Variants in CPAMD8 observed in about 807,000 individuals in gnomAD.
The protein encoded by CPAMD8 is C3 and PZP like alpha-2-macroglobulin domain containing 8, also known as C3 and PZP-like alpha-2-macroglobulin domain-containing protein 8.
In CPAMD8, 146 loss-of-function variants were observed where a neutral mutation model predicts 224.7. The observed-to-expected ratio is 0.65, with a 90% confidence interval of 0.57 to 0.75. The LOEUF (loss-of-function observed/expected upper bound fraction) is 0.75, where lower values mean the gene tolerates loss of function less well. CPAMD8 is among the 30% of genes least tolerant of loss of function. CPAMD8 has a pLI of 0.00. For missense variants in CPAMD8, 2,301 were observed against 2,537.5 expected, an observed-to-expected ratio of 0.91 and a Z score of 2.00; for synonymous variants, 966 against 1,044.6, an observed-to-expected ratio of 0.92 and a Z score of 1.45.
intron 6 of CPAMD8, chr19:17,009,039 T>C (rs1164517158): frequency 8.1e-6 from 4 of 493,684 alleles, no homozygotes; most frequent in Non-Finnish European, 1.4e-5. Flanking sequence ...GAGGTTGCAG[T>C]GAGCCAAGAT....
Position 17,008,495 on chromosome 19 carries a change from A to T in CPAMD8, c.559+10T>A. ...TCTGCAGCCCCCAAGCCGCAGAGGA[A>T]GAAACTTACCGCAGCAGAACGGCTT... On this transcript the variant is annotated intron_variant, in intron 7 of 41. Transcript: ENST00000443236. 2 of 1,612,634 alleles carry T rather than the reference A, an allele frequency of 1.2e-6. No individual in the cohort carries two copies. Among genetic ancestry groups the T allele is most frequent in the Non-Finnish European group, 1.7e-6 (2 of 1,180,006 alleles).
intron 22 of CPAMD8, 29 bp downstream of exon 22, chr19:16,945,520 A>G: frequency 6.2e-7 from 1 of 1,606,402 alleles, no homozygotes; most frequent in Non-Finnish European, 8.5e-7. Context: ...GGCCCTGGCT[A>G]AGCACCAGAG....
chr19:16,901,637 C>A (rs1254848757), intron 35 of CPAMD8, among the ~76,000 whole-genome samples: 1 of 152,224 alleles, frequency 6.6e-6, no homozygotes, highest in Admixed American at 6.5e-5. Context: ...ACAGAGCAGC[C>A]ACAGCTCAGG....
At chr19:16,904,170 G>T (rs2052374532) in intron 32 of CPAMD8, 56 bp downstream of exon 32, 1 of 1,378,704 alleles carries the variant, frequency 7.3e-7, no homozygotes, top group East Asian at 2.4e-5. Flanking sequence ...AACAAGGACT[G>T]CAGGGACCCC....
chr19:17,022,145 C>T lies in CPAMD8; in HGVS notation c.129G>A (p.Ala43=), dbSNP rs762025088. The T allele has an allele frequency of 6.0e-5, 97 of 1,609,854 alleles. No homozygotes were observed. The highest frequency in any genetic ancestry group is 7.6e-5 in the Non-Finnish European group (90 of 1,178,054). ...YLIAAPSVFR[A]GVEEVISVTI... is the part of the protein sequence containing the mutation. ...TCACGCTGATGACTTCCTCCACGCC[C>T]GCGCGAAAAACAGAGGGAGCTGCAA... Residue 43 remains alanine, a synonymous_variant, in exon 2 of 42, where the codon GCG becomes GCA. Transcript: ENST00000443236.
At chr19:17,015,811 AG>A (rs1170985052) in intron 3 of CPAMD8, among the ~76,000 whole-genome samples, 1 of 152,190 alleles carries the variant, frequency 6.6e-6, no homozygotes, top group Non-Finnish European at 1.5e-5. Flanking sequence ...CTGGAGGGAC[AG>A]GGAGGCTGGC....
At chr19:17,013,123 T>G (rs1000855152) in intron 3 of CPAMD8, among the ~76,000 whole-genome samples, 16 of 151,570 alleles carry the variant, frequency 1.1e-4, no homozygotes, top group Non-Finnish European at 2.2e-4. Flanking sequence ...AGAGGTTGCA[T>G]TGAGCCCAGA....
At chr19:16,906,390 CTTTCTTTCTTTCT>C (rs2052505898) in intron 30 of CPAMD8, among the ~76,000 whole-genome samples, 51 of 78,566 alleles carry the variant, frequency 6.5e-4, no homozygotes, top group Non-Finnish European at 6.4e-4. Flanking sequence ...TTCTTTCTTT[CTTTCTTTCTTTCT>C]TTCTTTCCTT....
chr19:16,946,894 C>T (rs1204472790), intron 21 of CPAMD8, among the ~76,000 whole-genome samples, 180 bp downstream of exon 21: 1 of 152,116 alleles, frequency 6.6e-6, no homozygotes, highest in Non-Finnish European at 1.5e-5. Context: ...GGCTTGCCTC[C>T]CCACTCCTCC....
chr19:16,929,050 G>A lies in CPAMD8; in HGVS notation c.3036C>T (p.Ile1012=). The change falls in exon 24 of 42, where the codon ATC becomes ATT. Residue 1012 remains isoleucine, a synonymous_variant. Transcript: ENST00000443236. ...CGGGCTCTCCCATCTTGCTGGTGGA[G>A]ATCCATGACCTGGTGTTCTGATGCC... ...LGGHQNTRSW[I]STSKMGEPVA... The A allele has an allele frequency of 2.5e-6, 4 of 1,613,904 alleles. No individual in the cohort carries two copies. Among genetic ancestry groups the A allele is most frequent in the Middle Eastern group, 3.3e-4 (2 of 6,062 alleles).
Position 16,959,932 on chromosome 19 carries a change from G to C in CPAMD8, c.2214-2017C>G, listed in dbSNP as rs151250974. Among the ~76,000 whole-genome samples, 18 of 152,294 alleles carry C rather than the reference G, an allele frequency of 1.2e-4. No individual in the cohort carries two copies. In the East Asian group the frequency reaches 3.5e-3, roughly 29 times the overall value. On this transcript the variant is annotated intron_variant, in intron 18 of 41. Coordinates refer to ENST00000443236, the MANE Select transcript of CPAMD8 (RefSeq NM_015692.5). Reference sequence around the variant, plus strand: ...GTTAACATTCTACTTAAGAATAGAAGAAGCAAGGTATCAAAGGCTTGGCAG... The same window carrying C: ...GTTAACATTCTACTTAAGAATAGAACAAGCAAGGTATCAAAGGCTTGGCAG...
At chr19:16,955,744 T>C (rs181353283) in intron 19 of CPAMD8, among the ~76,000 whole-genome samples, 123 of 152,312 alleles carry the variant, frequency 8.1e-4, no homozygotes, top group Non-Finnish European at 3.8e-4. Context: ...TGGTGTAATT[T>C]CGTGTCACTG....
chr19:16,950,292 T>C (rs2054257122), intron 20 of CPAMD8, among the ~76,000 whole-genome samples: 1 of 151,980 alleles, frequency 6.6e-6, no homozygotes, highest in Non-Finnish European at 1.5e-5. Context: ...AGCGAGATCC[T>C]ATCTCAAATA....
chr19:17,002,638 G>A (rs1469265237), intron 8 of CPAMD8: 4 of 271,830 alleles, frequency 1.5e-5, no homozygotes, highest in African/African-American at 4.4e-5. Context: ...GGGTGGACAC[G>A]AGGCCAGGAG....
chr19:16,964,522 A>T (rs1156918641), intron 18 of CPAMD8, among the ~76,000 whole-genome samples: 2 of 152,200 alleles, frequency 1.3e-5, no homozygotes, highest in Non-Finnish European at 2.9e-5. Context: ...GACCAATAAC[A>T]GGCTCTGAAA....
chr19:16,979,296 CTCCATCCATCT>C, intron 14 of CPAMD8, among the ~76,000 whole-genome samples: 1 of 149,030 alleles, frequency 6.7e-6, no homozygotes, highest in Non-Finnish European at 1.5e-5. Flanking sequence ...CCTTCTGTAC[CTCCATCCATCT>C]ATTCATCCAT....
chr19:17,025,820 A>C (rs1042629872), intron 1 of CPAMD8, among the ~76,000 whole-genome samples: 16 of 152,090 alleles, frequency 1.1e-4, no homozygotes, highest in Admixed American at 9.8e-4. Context: ...TGCTTTTAAA[A>C]CTGTGACCAG....
At chr19:16,894,276 C>T (rs1278068139) in intron 41 of CPAMD8, 4 of 405,710 alleles carry the variant, frequency 9.9e-6, no homozygotes, top group South Asian at 3.4e-5. Flanking sequence ...ACGGGCAGAT[C>T]TCTGTCATTC....
chr19:16,898,594 G>A lies in CPAMD8; in HGVS notation c.4849-600C>T, dbSNP rs1237369189. ...CTTTCTCCCCCAAAGAAACCCCATCGCCATCAGCACTCACTCCCCACTCCC... is the reference window on the plus strand; with the variant it reads ...CTTTCTCCCCCAAAGAAACCCCATCACCATCAGCACTCACTCCCCACTCCC... On this transcript the variant is annotated intron_variant, in intron 37 of 41. Coordinates refer to ENST00000443236, the MANE Select transcript of CPAMD8 (RefSeq NM_015692.5). This position sits in a 1 kb window ranked among gnomAD's most constrained non-coding sequence, Gnocchi z 4.2. Among the ~76,000 whole-genome samples the A allele has an allele frequency of 6.6e-6, 1 of 151,798 alleles. No homozygotes were observed. The highest frequency in any genetic ancestry group is 1.5e-5 in the Non-Finnish European group (1 of 67,930).
Sources: allele counts gnomAD v4.1 joint callset (sites outside exome capture counted in the v4.1 genomes callset), GRCh38; gene constraint gnomAD v4.1.1; non-coding constraint Gnocchi (gnomAD v3.1); transcripts MANE v1.5; gene names NCBI Gene and HGNC (gene_info 2026-07-23, HGNC 2026-07-21).